Variants in NFATC1 observed in about 807,000 individuals in gnomAD.
NFATC1 encodes the protein nuclear factor of activated T-cells, cytoplasmic 1.
In NFATC1, 22 loss-of-function variants were observed where a neutral mutation model predicts 76.0. The ratio of observed to expected loss-of-function variants is 0.29; its 90% CI spans 0.21 to 0.41. The LOEUF is 0.41. Ranked by LOEUF, NFATC1 falls within the 10% of genes least tolerant of loss-of-function variation. The pLI is 1.00. For synonymous variants in NFATC1, 704 were observed against 613.1 expected, an observed-to-expected ratio of 1.15 and a Z score of -2.19; for missense variants, 1,357 against 1,337.7, an observed-to-expected ratio of 1.01 and a Z score of -0.23.
chr18:79,454,533 G>A (rs1179022245), intron 6 of NFATC1, among the ~76,000 whole-genome samples: 2 of 152,162 alleles, frequency 1.3e-5, no homozygotes, highest in African/African-American at 2.4e-5. Flanking sequence ...CCTGGGTGCC[G>A]GGTCCCTCTG....
chr18:79,438,424 G>A (rs1022626705), intron 3 of NFATC1, among the ~76,000 whole-genome samples: 2 of 152,182 alleles, frequency 1.3e-5, no homozygotes, highest in Admixed American at 6.5e-5. Flanking sequence ...ACGGGGGCAC[G>A]TGGACCTCTG....
In NFATC1 at chr18:79,473,474, C is replaced by G. The variant is rs192285359; in HGVS notation, c.2092+5892C>G. Among the ~76,000 whole-genome samples, 600 of 148,630 alleles carry G rather than the reference C, an allele frequency of 4.0e-3. 5 individuals are homozygous for G. Among genetic ancestry groups the G allele is most frequent in the African/African-American group, 0.014 (560 of 39,852 alleles). Reference sequence around the variant, plus strand: ...CTCAGCTCATTGTCGACGTAAACCCCAGGGAAGCGTGTTCTCACGCTCACT... The same window carrying G: ...CTCAGCTCATTGTCGACGTAAACCCGAGGGAAGCGTGTTCTCACGCTCACT... On this transcript the variant is annotated intron_variant, in intron 8 of 9. Transcript: ENST00000427363.
At chr18:79,469,895 G>C (rs2088705705) in intron 8 of NFATC1, 1 of 985,296 alleles carries the variant, frequency 1.0e-6, no homozygotes, top group Non-Finnish European at 1.2e-6. Flanking sequence ...GCACCAGACT[G>C]TGAGCCCCTC....
At chr18:79,443,667 C>T (rs967180798) in intron 3 of NFATC1, among the ~76,000 whole-genome samples, 1 of 152,240 alleles carries the variant, frequency 6.6e-6, no homozygotes, top group South Asian at 2.1e-4. Flanking sequence ...CGGTTCCTGC[C>T]GGGCACATGG....
chr18:79,450,309 A>G (rs1388719654), intron 4 of NFATC1, among the ~76,000 whole-genome samples: 2 of 152,108 alleles, frequency 1.3e-5, no homozygotes, highest in Non-Finnish European at 2.9e-5. Context: ...AAGAGGTTAT[A>G]TGAAACCATA....
At chr18:79,485,281 G>A (rs1334964804) in intron 8 of NFATC1, among the ~76,000 whole-genome samples, 1 of 152,264 alleles carries the variant, frequency 6.6e-6, no homozygotes, top group African/African-American at 2.4e-5. Context: ...TTCGCTCAGA[G>A]TGGCACCACG....
At chr18:79,476,046 AT>A (rs932346792) in intron 8 of NFATC1, among the ~76,000 whole-genome samples, 13 of 152,012 alleles carry the variant, frequency 8.6e-5, no homozygotes, top group Non-Finnish European at 1.6e-4. Context: ...CTGAGATGGG[AT>A]GAGAGGGCGG....
chr18:79,488,975 G>A (rs893584932), intron 9 of NFATC1, among the ~76,000 whole-genome samples: 8 of 152,188 alleles, frequency 5.3e-5, no homozygotes, highest in Non-Finnish European at 1.2e-4. Context: ...GGTGAGCAGC[G>A]GCAGTGCTGG....
chr18:79,430,980 G>A (rs543463679), intron 2 of NFATC1, among the ~76,000 whole-genome samples: 89 of 152,312 alleles, frequency 5.8e-4, no homozygotes, highest in Non-Finnish European at 1.1e-3. Context: ...GCCTGGCAGC[G>A]TTAGCTGATA....
At chr18:79,475,947 T>C (rs186203160) in intron 8 of NFATC1, among the ~76,000 whole-genome samples, 1 of 152,308 alleles carries the variant, frequency 6.6e-6, no homozygotes, top group Admixed American at 6.5e-5. Context: ...GGATCCAGAC[T>C]TCTGTGAAAG....
intron 9 of NFATC1, among the ~76,000 whole-genome samples, chr18:79,491,060 A>C (rs1348142503): frequency 1.3e-5 from 2 of 151,710 alleles, no homozygotes; most frequent in Non-Finnish European, 2.9e-5. Context: ...AACAAGCTCC[A>C]TGGAAATGCG....
intron 7 of NFATC1, among the ~76,000 whole-genome samples, chr18:79,466,487 C>T (rs1461596206): frequency 6.6e-6 from 1 of 152,208 alleles, no homozygotes; most frequent in Non-Finnish European, 1.5e-5. Context: ...GTTGGGGTCT[C>T]CGTGTCCCAG....
intron 9 of NFATC1, among the ~76,000 whole-genome samples, chr18:79,513,314 C>T (rs1214542568): frequency 5.3e-5 from 8 of 152,128 alleles, no homozygotes; most frequent in South Asian, 4.1e-4. Flanking sequence ...CCTTGGCCTC[C>T]GCGGCCAGGG....
chr18:79,471,268 G>A, intron 8 of NFATC1, among the ~76,000 whole-genome samples: 1 of 152,178 alleles, frequency 6.6e-6, no homozygotes, highest in Middle Eastern at 3.2e-3. Context: ...CCTGGAACGT[G>A]GGAACCCTGC....
intron 9 of NFATC1, among the ~76,000 whole-genome samples, chr18:79,513,835 G>C (rs1352807083): frequency 6.6e-6 from 1 of 152,192 alleles, no homozygotes; most frequent in African/African-American, 2.4e-5. Context: ...GAAGCCTGAG[G>C]GTACACTGGC....
At chr18:79,415,934 C>T (rs952077536) in intron 2 of NFATC1, among the ~76,000 whole-genome samples, 2 of 152,014 alleles carry the variant, frequency 1.3e-5, no homozygotes, top group African/African-American at 2.4e-5. Context: ...TGGTGGCGGG[C>T]GCCTGTAATC....
At chr18:79,453,610 G>A (rs557398041) in intron 6 of NFATC1, among the ~76,000 whole-genome samples, 2 of 152,272 alleles carry the variant, frequency 1.3e-5, no homozygotes, top group African/African-American at 4.8e-5. Flanking sequence ...CAGTTTGTCT[G>A]CCCATGTCCT....
Position 79,448,766 on chromosome 18 carries a change from T to C in NFATC1, c.1387-16T>C. 6.2e-7 allele frequency: 1 copy of C among 1,610,866 alleles called. No homozygotes were observed. The highest frequency in any genetic ancestry group is 8.5e-7 in the Non-Finnish European group (1 of 1,178,328). ...TGCTCTGGGTGCTGAGCAGGTGTTTTCTGTTCTCTCGCCAGCTGCATGGCT... is the reference window on the plus strand; with the variant it reads ...TGCTCTGGGTGCTGAGCAGGTGTTTCCTGTTCTCTCGCCAGCTGCATGGCT... On this transcript the variant is annotated splice_polypyrimidine_tract_variant and intron_variant, in intron 3 of 9. Transcript: ENST00000427363.
chr18:79,505,703 G>GAT (rs1321666154), intron 9 of NFATC1, among the ~76,000 whole-genome samples: 13 of 139,108 alleles, frequency 9.3e-5, no homozygotes, highest in South Asian at 2.3e-4. Flanking sequence ...AGGTGGTGCT[G>GAT]GAGGCCCTTG....
Sources: allele counts gnomAD v4.1 joint callset (sites outside exome capture counted in the v4.1 genomes callset), GRCh38; gene constraint gnomAD v4.1.1; transcripts MANE v1.5; gene names NCBI Gene and HGNC (gene_info 2026-07-23, HGNC 2026-07-21).